GABRB1: variants seen among roughly 807,000 people sequenced by gnomAD.
The protein encoded by GABRB1 is gamma-aminobutyric acid receptor subunit beta-1.
In GABRB1, 17 loss-of-function variants were observed where a neutral mutation model predicts 51.6. That is an observed-to-expected ratio of 0.33 (90% confidence interval 0.23 to 0.49). GABRB1 has a LOEUF of 0.49. Among genes scored for constraint, GABRB1 ranks in the 20% least tolerant of loss-of-function variants. The pLI, the probability that GABRB1 is intolerant of heterozygous loss-of-function variation, is 0.99. For synonymous variants in GABRB1, 247 were observed against 218.9 expected (o/e 1.13, Z -1.14); for missense variants, 410 against 600.6 (o/e 0.68, Z 3.32).
At chr4:47,222,895 T>C (rs977835284) in intron 4 of GABRB1, among the ~76,000 whole-genome samples, 1 of 152,168 alleles carries the variant, frequency 6.6e-6, no homozygotes, top group Non-Finnish European at 1.5e-5. Context: ...TCTTCTTATC[T>C]AAAAAATTCA....
chr4:47,022,845 T>A (rs1044928283), intron 1 of GABRB1, among the ~76,000 whole-genome samples: 1 of 151,930 alleles, frequency 6.6e-6, no homozygotes, highest in Non-Finnish European at 1.5e-5. Flanking sequence ...AGAAAGAAAA[T>A]CAGTATATCA....
At position 47,408,625 on chromosome 4, in the gene GABRB1, G is replaced by A. The variant is rs867936653; in HGVS notation, c.1080+1699G>A. Among the ~76,000 whole-genome samples the A allele has an allele frequency of 1.2e-4, 19 of 152,176 alleles. 1 individual carries two copies. Among genetic ancestry groups the A allele is most frequent in the African/African-American group, 4.3e-4 (18 of 41,444 alleles). On this transcript the variant is annotated intron_variant, in intron 8 of 8. Coordinates refer to ENST00000295454, the MANE Select transcript of GABRB1 (RefSeq NM_000812.4). ...AGAATCTTCTGATCTTATTGTGAAA[G>A]AATATTATACTCATATGAGGTGATT...
intron 3 of GABRB1, among the ~76,000 whole-genome samples, chr4:47,152,302 A>G (rs566314136): frequency 2.6e-5 from 4 of 152,182 alleles, no homozygotes; most frequent in Admixed American, 1.3e-4. Context: ...TTCACATTCA[A>G]CTGATGCATT....
chr4:47,145,952 C>T (rs1410182085), intron 3 of GABRB1, among the ~76,000 whole-genome samples: 1 of 151,924 alleles, frequency 6.6e-6, no homozygotes, highest in Non-Finnish European at 1.5e-5. Flanking sequence ...CTTCTTAAAA[C>T]TCTCCGTTTT....
At chr4:47,307,516 A>T (rs1724513830) in intron 4 of GABRB1, among the ~76,000 whole-genome samples, 1 of 152,010 alleles carries the variant, frequency 6.6e-6, no homozygotes, top group South Asian at 2.1e-4. Context: ...TGAACTCTGA[A>T]AAGCAACACA....
chr4:47,045,696 C>A (rs1243273254), intron 3 of GABRB1, among the ~76,000 whole-genome samples: 2 of 151,960 alleles, frequency 1.3e-5, no homozygotes, highest in Non-Finnish European at 2.9e-5. Flanking sequence ...ACTGGAGCCT[C>A]TTTCCTAAGG....
chr4:47,246,003 G>A (rs1292334911), intron 4 of GABRB1, among the ~76,000 whole-genome samples: 1 of 149,084 alleles, frequency 6.7e-6, no homozygotes, highest in Admixed American at 6.7e-5. Flanking sequence ...TGAGATTTCG[G>A]TGCACCCATC....
chr4:47,039,169 T>A (rs903997274), intron 3 of GABRB1, among the ~76,000 whole-genome samples: 2 of 151,920 alleles, frequency 1.3e-5, no homozygotes, highest in Non-Finnish European at 2.9e-5. Context: ...GCATTTTTTA[T>A]CTTTAGTGAG....
At chr4:47,371,085 T>TCCCCCCCCCCCCCCCCC (rs59604624) in intron 5 of GABRB1, among the ~76,000 whole-genome samples, 3 of 129,632 alleles carry the variant, frequency 2.3e-5, no homozygotes, top group Non-Finnish European at 3.2e-5. Flanking sequence ...ATGCTCTCCC[T>TCCCCCCCCCCCCCCCCC]CCCCCACCCC....
chr4:47,202,393 G>T (rs1371546121), intron 4 of GABRB1, among the ~76,000 whole-genome samples: 2 of 152,118 alleles, frequency 1.3e-5, no homozygotes, highest in Admixed American at 1.3e-4. Flanking sequence ...CCAGTCTCAG[G>T]TAGTTCTTTA....
At chr4:47,002,950 T>G (rs922194515) in intron 1 of GABRB1, among the ~76,000 whole-genome samples, 3 of 152,170 alleles carry the variant, frequency 2.0e-5, no homozygotes, top group Non-Finnish European at 4.4e-5. Context: ...AGAGAAGGAT[T>G]TGGGACTTTG....
At chr4:47,158,921 T>G (rs956951870) in intron 3 of GABRB1, among the ~76,000 whole-genome samples, 1 of 152,048 alleles carries the variant, frequency 6.6e-6, no homozygotes, top group Non-Finnish European at 1.5e-5. Flanking sequence ...CTAAAGTACC[T>G]TAACCTTAAT....
At chr4:47,384,317 T>A (rs763958278) in intron 5 of GABRB1, among the ~76,000 whole-genome samples, 5 of 151,968 alleles carry the variant, frequency 3.3e-5, no homozygotes, top group East Asian at 1.9e-4. Flanking sequence ...GGTTGAGGAT[T>A]TTTTTTAGAT....
intron 4 of GABRB1, among the ~76,000 whole-genome samples, chr4:47,187,470 C>T (rs759553452): frequency 4.2e-4 from 64 of 151,854 alleles, no homozygotes; most frequent in Non-Finnish European, 7.7e-4. Flanking sequence ...TCCTTGGGAT[C>T]ACAGATCTTT....
intron 8 of GABRB1, among the ~76,000 whole-genome samples, chr4:47,419,118 C>T (rs1327499670): frequency 6.6e-6 from 1 of 152,128 alleles, no homozygotes; most frequent in African/African-American, 2.4e-5. Context: ...TCCATAACAA[C>T]GTAAACACCA....
intron 4 of GABRB1, among the ~76,000 whole-genome samples, chr4:47,317,022 C>G (rs1305721543): frequency 6.6e-6 from 1 of 151,858 alleles, no homozygotes; most frequent in Non-Finnish European, 1.5e-5. Flanking sequence ...TTCATTTGTA[C>G]TTTACATACT....
chr4:47,351,389 T>G (rs1180019241), intron 5 of GABRB1, among the ~76,000 whole-genome samples: 1 of 152,170 alleles, frequency 6.6e-6, no homozygotes, highest in South Asian at 2.1e-4. Flanking sequence ...TGTTTTTAAT[T>G]TCACCATAGA....
Position 47,031,746 on chromosome 4 carries a change from T to C in GABRB1, c.80+15T>C, listed in dbSNP as rs1447796732. 1.3e-5 allele frequency: 21 copies of C among 1,587,588 alleles called. No homozygotes were observed. The highest frequency in any genetic ancestry group is 1.7e-5 in the Non-Finnish European group (20 of 1,165,820). On this transcript the variant is annotated intron_variant, in intron 1 of 8. Coordinates refer to ENST00000295454, the MANE Select transcript of GABRB1 (RefSeq NM_000812.4). ...TGTGCACACAGGTGAGCTGCTGTTG[T>C]TGAATCTCGCTCTCTCTCTCTCTCT...
At chr4:47,138,146 G>A (rs1391698868) in intron 3 of GABRB1, among the ~76,000 whole-genome samples, 1 of 152,032 alleles carries the variant, frequency 6.6e-6, no homozygotes, top group Admixed American at 6.6e-5. Context: ...ATGGTCTTCA[G>A]TTCTTAAGAC....
Sources: allele counts gnomAD v4.1 joint callset (sites outside exome capture counted in the v4.1 genomes callset), GRCh38; gene constraint gnomAD v4.1.1; transcripts MANE v1.5; gene names NCBI Gene and HGNC (gene_info 2026-07-23, HGNC 2026-07-21).